The following ACTR3C variants were observed in gnomAD, a reference collection of about 807,000 sequenced individuals.
The protein encoded by ACTR3C is actin-related protein 3C.
ACTR3C carries 18 observed loss-of-function variants against 26.3 expected under a neutral mutation model. The ratio of observed to expected loss-of-function variants is 0.68; its 90% CI spans 0.47 to 1.01. The LOEUF is 1.01. ACTR3C is among the 50% of genes least tolerant of loss of function. The pLI is 0.00. For missense variants in ACTR3C, 184 were observed against 250.7 expected (o/e 0.73, Z 1.80); for synonymous variants, 55 against 94.5 (o/e 0.58, Z 2.42).
At chr7:150,105,334 G>A in the ACTR3C span, among the ~76,000 whole-genome samples, 10 of 151,750 alleles carry the variant, frequency 6.6e-5, no homozygotes, top group African/African-American at 1.7e-4. Flanking sequence ...CACCCGCCTC[G>A]GCCTCCCAAA....
chr7:149,985,207 AACAC>A, the ACTR3C span, among the ~76,000 whole-genome samples: 3,765 of 130,312 alleles, frequency 0.029, 105 homozygotes, highest in African/African-American at 0.079. Flanking sequence ...CAAACAAAGC[AACAC>A]ACACACACAC....
chr7:149,929,405 G>T, the ACTR3C span, among the ~76,000 whole-genome samples: 1 of 38,848 alleles, frequency 2.6e-5, no homozygotes. Context: ...TCCAGCCTAG[G>T]AAACAGAACA....
chr7:149,969,569 C>T, the ACTR3C span, among the ~76,000 whole-genome samples: 3 of 152,092 alleles, frequency 2.0e-5, no homozygotes, highest in African/African-American at 7.2e-5. Flanking sequence ...CCTAAAATGC[C>T]TCTTATCTGT....
chr7:150,035,976 C>G, the ACTR3C span, among the ~76,000 whole-genome samples: 1 of 131,358 alleles, frequency 7.6e-6, no homozygotes, highest in Non-Finnish European at 1.6e-5. Flanking sequence ...GGGACTGGCT[C>G]TCAGTCCCTG....
chr7:150,255,292 G>A (rs1833140919), intron 6 of ACTR3C, among the ~76,000 whole-genome samples: 1 of 142,404 alleles, frequency 7.0e-6, no homozygotes, highest in East Asian at 2.0e-4. Context: ...CTCTTATGGA[G>A]CAGGATAAAT....
At chr7:150,174,317 G>A in the ACTR3C span, among the ~76,000 whole-genome samples, 2 of 138,324 alleles carry the variant, frequency 1.4e-5, no homozygotes, top group South Asian at 4.6e-4. Context: ...GAGAAAATGA[G>A]GAAGAAGCAA....
the ACTR3C span, among the ~76,000 whole-genome samples, chr7:149,995,257 A>T: frequency 6.6e-6 from 1 of 152,212 alleles, no homozygotes; most frequent in Admixed American, 6.5e-5. Flanking sequence ...AACATTGCTG[A>T]TCACCCCTTT....
the ACTR3C span, among the ~76,000 whole-genome samples, chr7:149,964,829 C>A: frequency 6.6e-6 from 1 of 151,932 alleles, no homozygotes; most frequent in African/African-American, 2.4e-5. Flanking sequence ...TGTCTCAATA[C>A]AAATTGTGAC....
At chr7:150,006,066 C>G in the ACTR3C span, among the ~76,000 whole-genome samples, 1 of 152,036 alleles carries the variant, frequency 6.6e-6, no homozygotes, top group South Asian at 2.1e-4. Flanking sequence ...GTGGAGGATT[C>G]CTATTTGCTG....
chr7:150,230,025 G>A, the ACTR3C span, among the ~76,000 whole-genome samples: 1 of 150,390 alleles, frequency 6.6e-6, no homozygotes, highest in Admixed American at 6.6e-5. Context: ...AGGAGTTCGA[G>A]ACCAGCCTGA....
At chr7:150,045,918 T>G in the ACTR3C span, among the ~76,000 whole-genome samples, 1 of 152,222 alleles carries the variant, frequency 6.6e-6, no homozygotes, top group Admixed American at 6.5e-5. Context: ...TTTTTCCTGT[T>G]TGCATTGCAG....
the ACTR3C span, among the ~76,000 whole-genome samples, chr7:150,232,804 C>G: frequency 6.6e-6 from 1 of 150,522 alleles, no homozygotes. Context: ...GCCTGGGTGA[C>G]AGAGTGAGAC....
chr7:150,088,311 C>T, the ACTR3C span, among the ~76,000 whole-genome samples: 3 of 152,178 alleles, frequency 2.0e-5, no homozygotes, highest in East Asian at 1.9e-4. Context: ...AGAATTTTCT[C>T]GAATTTCCAT....
the ACTR3C span, among the ~76,000 whole-genome samples, chr7:150,039,796 G>C: frequency 5.4e-3 from 686 of 126,814 alleles, 6 homozygotes; most frequent in Admixed American, 0.016. Flanking sequence ...AGAGGGACTG[G>C]CTCTCAGTCC....
At chr7:150,302,310 G>C (rs1795487542) in intron 1 of ACTR3C, among the ~76,000 whole-genome samples, 1 of 152,248 alleles carries the variant, frequency 6.6e-6, no homozygotes, top group Admixed American at 6.5e-5. Context: ...ACGGCAGTCT[G>C]AAATGGCACA....
rs1236223432 is a variant in ACTR3C, at chr7:150,282,275, G to A, written c.564+2478C>T. Among the ~76,000 whole-genome samples, 8 of 150,982 alleles carry A rather than the reference G, an allele frequency of 5.3e-5. No homozygotes were observed. The East Asian group carries it at 7.9e-4, about 15-fold the overall frequency. Reference sequence around the variant, plus strand: ...TGTTCCAGAAGGGCAGCCACAACACGGTGGTGGAGCCTACTGCCGACCACA... The same window carrying A: ...TGTTCCAGAAGGGCAGCCACAACACAGTGGTGGAGCCTACTGCCGACCACA... On this transcript the variant is annotated intron_variant, in intron 6 of 7. Transcript: ENST00000683684.
At chr7:149,946,261 G>A in the ACTR3C span, among the ~76,000 whole-genome samples, 1 of 152,210 alleles carries the variant, frequency 6.6e-6, no homozygotes, top group Admixed American at 6.5e-5. Context: ...AGCCATCCTA[G>A]GTGAAATTCT....
chr7:150,171,341 G>A, the ACTR3C span, among the ~76,000 whole-genome samples: 1 of 150,014 alleles, frequency 6.7e-6, no homozygotes, highest in Admixed American at 6.6e-5. Context: ...CAAATATTTG[G>A]AAACCAAATT....
the ACTR3C span, among the ~76,000 whole-genome samples, chr7:150,159,169 T>C: frequency 2.1e-4 from 21 of 100,776 alleles, no homozygotes; most frequent in African/African-American, 7.8e-4. Flanking sequence ...TTGTCATACC[T>C]TAACAAAGCT....
Sources: gnomAD v4.1 joint callset for allele counts (sites outside exome capture counted in the v4.1 genomes callset) on GRCh38, gnomAD v4.1.1 for gene constraint, MANE v1.5 for transcripts, NCBI Gene and HGNC (gene_info 2026-07-23, HGNC 2026-07-21) for gene names.